The following WNT3A variants were observed in gnomAD, a reference collection of about 807,000 sequenced individuals.
WNT3A encodes the protein Wnt family member 3A, also known as protein Wnt-3a.
In WNT3A, 17 loss-of-function variants were observed where a neutral mutation model predicts 37.0. That is an observed-to-expected ratio of 0.46 (90% confidence interval 0.31 to 0.69). The LOEUF is 0.69. Ranked by LOEUF, WNT3A falls within the 30% of genes least tolerant of loss-of-function variation. The probability of loss-of-function intolerance (pLI) is 0.05; values close to 1 mark genes in which losing one functional copy is unlikely to be tolerated. For missense variants in WNT3A, 411 were observed against 510.2 expected (o/e 0.81, Z 1.87); for synonymous variants, 187 against 211.0 (o/e 0.89, Z 0.99).
At chr1:228,013,136 C>A (rs2030423342) in intron 1 of WNT3A, among the ~76,000 whole-genome samples, 1 of 152,164 alleles carries the variant, frequency 6.6e-6, no homozygotes, top group East Asian at 1.9e-4. Flanking sequence ...TGGTCTCGAC[C>A]TCCTGGGCTC....
At chr1:228,036,033 G>C (rs917663220) in intron 2 of WNT3A, among the ~76,000 whole-genome samples, 1 of 152,172 alleles carries the variant, frequency 6.6e-6, no homozygotes, top group Non-Finnish European at 1.5e-5. Flanking sequence ...GAAGGAGCCC[G>C]CCGGGTGCCT....
intron 3 of WNT3A, among the ~76,000 whole-genome samples, chr1:228,058,083 G>A (rs1311438116): frequency 6.6e-6 from 1 of 152,242 alleles, no homozygotes; most frequent in African/African-American, 2.4e-5. Flanking sequence ...TTACAGGCAT[G>A]AGCCACCATG....
At chr1:228,021,295 A>AT (rs2102764590) in intron 1 of WNT3A, among the ~76,000 whole-genome samples, 1 of 152,338 alleles carries the variant, frequency 6.6e-6, no homozygotes, top group African/African-American at 2.4e-5. Flanking sequence ...TTTAAACTTA[A>AT]TTACATTAAT....
Position 228,059,390 on chromosome 1 carries a change from C to T in WNT3A, c.984C>T (p.Arg328=). 1 of 1,560,740 alleles carries T rather than the reference C, an allele frequency of 6.4e-7. No individual in the cohort carries two copies. Among genetic ancestry groups the T allele is most frequent in the Non-Finnish European group, 8.6e-7 (1 of 1,157,414 alleles). The change falls in exon 4 of 4, where the codon CGC becomes CGT. Residue 328 remains arginine (R), a synonymous_variant. Transcript: ENST00000284523. ...ARAERRREKC[R]CVFHWCCYVS... ...CGGAGCGGCGCCGGGAGAAGTGCCG[C>T]TGCGTGTTCCACTGGTGCTGCTACG...
chr1:228,029,050 GA>G (rs1230632592), intron 2 of WNT3A, among the ~76,000 whole-genome samples: 2 of 152,124 alleles, frequency 1.3e-5, no homozygotes, highest in South Asian at 2.1e-4. Context: ...CCCACCTGGG[GA>G]ACGCCGGCCT....
Position 228,059,220 on chromosome 1 carries a change from G to C in WNT3A, c.814G>C (p.Val272Leu). ...YFKVPTERDL[V>L]YYEASPNFCE... ...CAAGGTGCCCACGGAGCGCGACCTG[G>C]TCTACTACGAGGCCTCGCCCAACTT... Residue 272 changes from valine to leucine, a missense_variant, in exon 4 of 4, where the codon GTC becomes CTC. By Grantham distance (32) the Val-to-Leu change is conservative. Coordinates refer to ENST00000284523, the MANE Select transcript of WNT3A (RefSeq NM_033131.4). 6.2e-7 allele frequency: 1 copy of C among 1,611,372 alleles called. No individual in the cohort carries two copies. Among genetic ancestry groups the C allele is most frequent in the Non-Finnish European group, 8.5e-7 (1 of 1,179,728 alleles).
intron 1 of WNT3A, among the ~76,000 whole-genome samples, chr1:228,011,716 C>T (rs988896994): frequency 6.6e-6 from 1 of 152,258 alleles, no homozygotes; most frequent in Non-Finnish European, 1.5e-5. Context: ...GGACAGCAGT[C>T]ACTAGCAAAT....
At chr1:228,041,029 C>G in intron 2 of WNT3A, among the ~76,000 whole-genome samples, 1 of 147,252 alleles carries the variant, frequency 6.8e-6, no homozygotes, top group East Asian at 2.0e-4. Flanking sequence ...ATCTATCTAT[C>G]TATCTATCTA....
In WNT3A at chr1:228,031,307, G is replaced by GC. The variant is rs376006160; in HGVS notation, c.313+8400dup. Among the ~76,000 whole-genome samples, 27 of 152,278 alleles carry GC rather than the reference G, an allele frequency of 1.8e-4. No individual in the cohort carries two copies. Among genetic ancestry groups the GC allele is most frequent in the African/African-American group, 5.5e-4 (23 of 41,564 alleles). ...GCCTTCCTGTGATCTTGAGTGAGAG[G>GC]CAGCTCACTTCCTGGAGCATCAGCC... On this transcript the variant is annotated intron_variant, in intron 2 of 3. Transcript: ENST00000284523. This position sits in a 1 kb window ranked among gnomAD's most constrained non-coding sequence, Gnocchi z 4.8.
Position 228,040,057 on chromosome 1 carries a change from C to G in WNT3A, c.314-10599C>G, listed in dbSNP as rs377605081. 2.0e-5 allele frequency among the ~76,000 whole-genome samples: 3 copies of G among 152,332 alleles called. No homozygotes were observed. The South Asian group carries it at 6.2e-4, about 32-fold the overall frequency. On this transcript the variant is annotated intron_variant, in intron 2 of 3. Transcript: ENST00000284523. ...CCTTTCCACAGATAGGCATGTCCCC[C>G]TCAGCCATGCAGTGGGGGCCCAGCC...
intron 2 of WNT3A, among the ~76,000 whole-genome samples, chr1:228,028,718 G>A (rs1031303651): frequency 6.6e-6 from 1 of 152,076 alleles, no homozygotes; most frequent in African/African-American, 2.4e-5. Flanking sequence ...AGATTGCTTT[G>A]GGCAGTATTG....
chr1:228,014,606 G>T (rs376552009), intron 1 of WNT3A, among the ~76,000 whole-genome samples: 3 of 152,242 alleles, frequency 2.0e-5, no homozygotes, highest in Non-Finnish European at 4.4e-5. Context: ...AGGCCCCCAC[G>T]CTTTGCCCTG....
Position 228,038,848 on chromosome 1 carries a change from G to A in WNT3A, c.314-11808G>A, listed in dbSNP as rs1477519710. On this transcript the variant is annotated intron_variant, in intron 2 of 3. Coordinates refer to ENST00000284523, the MANE Select transcript of WNT3A (RefSeq NM_033131.4). This position sits in a 1 kb window ranked among gnomAD's most constrained non-coding sequence, Gnocchi z 5.7. ...AAAGGGCTGGCAGATCAGGCAGGGG[G>A]AAGGCCTGTGGGGTGGGGCATTTGC... 1.3e-5 allele frequency among the ~76,000 whole-genome samples: 2 copies of A among 152,226 alleles called. No individual in the cohort carries two copies. The highest frequency in any genetic ancestry group is 1.5e-5 in the Non-Finnish European group (1 of 68,032).
Position 228,039,262 on chromosome 1 carries a change from G to A in WNT3A, c.314-11394G>A, listed in dbSNP as rs1171948507. On this transcript the variant is annotated intron_variant, in intron 2 of 3. Transcript: ENST00000284523. This position sits in a 1 kb window ranked among gnomAD's most constrained non-coding sequence, Gnocchi z 4.1. The stretch of plus-strand genomic sequence containing the variant: ...ATCCCAAGCTCCTAGGAAAGGAGGT[G>A]TCAGCTGCCCCAGGATGGGGCCACA... Among the ~76,000 whole-genome samples, 2 of 152,156 alleles carry A rather than the reference G, an allele frequency of 1.3e-5. No homozygotes were observed. Among genetic ancestry groups the A allele is most frequent in the Non-Finnish European group, 1.5e-5 (1 of 68,004 alleles).
At chr1:228,016,795 C>T (rs74598272) in intron 1 of WNT3A, among the ~76,000 whole-genome samples, 1 of 152,054 alleles carries the variant, frequency 6.6e-6, no homozygotes, top group Non-Finnish European at 1.5e-5. Flanking sequence ...AGGGGAGGTA[C>T]GTGTGTCACA....
rs754274567 is a variant in WNT3A at position 228,059,199 on chromosome 1, G to A, written c.793G>A (p.Val265Met). 21 of 1,612,376 alleles carry A rather than the reference G, an allele frequency of 1.3e-5. No homozygotes were observed. The highest frequency in any genetic ancestry group is 1.4e-5 in the Non-Finnish European group (16 of 1,179,684). The change falls in exon 4 of 4, where the codon GTG becomes ATG. Residue 265 changes from valine to methionine, a missense_variant. Coordinates refer to ENST00000284523, the MANE Select transcript of WNT3A (RefSeq NM_033131.4). The part of the protein sequence containing the change: ...TLRPRYTYFK[V>M]PTERDLVYYE... ...GCGGCCGCGCTACACCTACTTCAAG[G>A]TGCCCACGGAGCGCGACCTGGTCTA... is the stretch of plus-strand genomic sequence containing the variant.
rs560431950 is a variant in WNT3A, at chr1:228,027,786, C to A, written c.313+4878C>A. Among the ~76,000 whole-genome samples the A allele has an allele frequency of 3.3e-5, 5 of 152,224 alleles. No individual in the cohort carries two copies. In the South Asian group the frequency reaches 1.0e-3, roughly 32 times the overall value. On this transcript the variant is annotated intron_variant, in intron 2 of 3. Coordinates refer to ENST00000284523, the MANE Select transcript of WNT3A (RefSeq NM_033131.4). ...GAAGCTTTTTAATTCAATTAGGTCCCATTTATTTATTTTTGTTTTTGTTGC... is the reference window on the plus strand; with the variant it reads ...GAAGCTTTTTAATTCAATTAGGTCCAATTTATTTATTTTTGTTTTTGTTGC...
At position 228,008,676 on chromosome 1, in the gene WNT3A, G is replaced by A. The variant is rs1207525574; in HGVS notation, c.71+1477G>A. 2.0e-5 allele frequency among the ~76,000 whole-genome samples: 3 copies of A among 152,282 alleles called. No individual in the cohort carries two copies. The East Asian group carries it at 5.8e-4, about 30-fold the overall frequency. ...GGAGCCAGGGGCAGCGCGTCCGTCCGAGAGAGCCCCGAGGGCTGCCGGCTT... is the reference window on the plus strand; with the variant it reads ...GGAGCCAGGGGCAGCGCGTCCGTCCAAGAGAGCCCCGAGGGCTGCCGGCTT... On this transcript the variant is annotated intron_variant, in intron 1 of 3. Coordinates refer to ENST00000284523, the MANE Select transcript of WNT3A (RefSeq NM_033131.4). This position sits in a 1 kb window ranked among gnomAD's most constrained non-coding sequence, Gnocchi z 4.9.
chr1:228,052,835 A>G (rs983851401), intron 3 of WNT3A, among the ~76,000 whole-genome samples: 3 of 152,224 alleles, frequency 2.0e-5, no homozygotes, highest in African/African-American at 7.2e-5. Flanking sequence ...GTGCAGTGCC[A>G]TGGGAGAAAT....
Sources: gnomAD v4.1 joint callset for allele counts (sites outside exome capture counted in the v4.1 genomes callset) on GRCh38, gnomAD v4.1.1 for gene constraint, Gnocchi (gnomAD v3.1) non-coding constraint, MANE v1.5 for transcripts, NCBI Gene and HGNC (gene_info 2026-07-23, HGNC 2026-07-21) for gene names.